The following RTKN2 variants were observed in gnomAD, a reference collection of about 807,000 sequenced individuals.
RTKN2 encodes rhotekin-2.
A neutral mutation model predicts 71.5 loss-of-function variants in RTKN2; 69 were observed. That is an observed-to-expected ratio of 0.96 (90% confidence interval 0.79 to 1.18). The LOEUF is 1.18. Among genes scored for constraint, RTKN2 ranks in the 50% most tolerant of loss-of-function variants. RTKN2 has a pLI of 0.00. For synonymous variants in RTKN2, 236 were observed against 236.5 expected, an observed-to-expected ratio of 1.00 and a Z score of 0.02; for missense variants, 724 against 719.7, an observed-to-expected ratio of 1.01 and a Z score of -0.07.
In RTKN2 at chr10:62,197,371, G is replaced by C. The variant is rs1346587083; in HGVS notation, c.*537C>G. 1 of 985,238 alleles carries C rather than the reference G, an allele frequency of 1.0e-6. No homozygotes were observed. The highest frequency in any genetic ancestry group is 1.2e-6 in the Non-Finnish European group (1 of 829,532). The allele number at this position is 985,238 out of a possible 1,614,324, so 61.0% of individuals were successfully genotyped here. ...TAAAATTTATCCCAGGAATTTAAAA[G>C]GTCAGGCCTATAAACTAGTGAGTTA... On this transcript the variant is annotated 3_prime_UTR_variant, in exon 12 of 12. Transcript: ENST00000373789.
downstream of RTKN2, among the ~76,000 whole-genome samples, chr10:62,188,752 T>G (rs1841173958): frequency 6.6e-6 from 1 of 151,450 alleles, no homozygotes; most frequent in Non-Finnish European, 1.5e-5. Flanking sequence ...TTTTTTAAAT[T>G]TTTTTATTTT....
intron 6 of RTKN2, among the ~76,000 whole-genome samples, chr10:62,230,679 G>A (rs931155001): frequency 2.6e-5 from 4 of 152,152 alleles, no homozygotes; most frequent in Admixed American, 6.6e-5. Context: ...ATTTTCAGAT[G>A]AAGAAACTGA....
At chr10:62,239,015 T>A (rs1842316056) in intron 5 of RTKN2, 1 of 152,008 alleles carries the variant, frequency 6.6e-6, no homozygotes, top group African/African-American at 2.4e-5. Flanking sequence ...ATGATTTCTA[T>A]GGCTACCCAA....
At chr10:62,230,944 C>A (rs1029141964) in intron 6 of RTKN2, among the ~76,000 whole-genome samples, 30 of 152,124 alleles carry the variant, frequency 2.0e-4, no homozygotes, top group Admixed American at 8.5e-4. Context: ...GCTGAATAAT[C>A]ATTTCTACAA....
intron 6 of RTKN2, among the ~76,000 whole-genome samples, chr10:62,232,923 A>C (rs896840027): frequency 4.9e-5 from 5 of 101,528 alleles, no homozygotes; most frequent in Non-Finnish European, 8.4e-5. Context: ...ACAAAAACTC[A>C]GAGTAAATTA....
chr10:62,199,707 T>C, intron 11 of RTKN2, 47 bp downstream of exon 11: 1 of 1,134,480 alleles, frequency 8.8e-7, no homozygotes, highest in Non-Finnish European at 1.3e-6. Flanking sequence ...GTATGGACAA[T>C]GTTGTTTTTG....
rs544803427 is a variant in RTKN2, at chr10:62,196,363, G to A, written c.*1545C>T. The A allele has an allele frequency of 1.6e-4, 161 of 984,100 alleles. No homozygotes were observed. The highest frequency in any genetic ancestry group is 1.8e-4 in the Non-Finnish European group (153 of 828,912). 61.0% of individuals were successfully genotyped at this position (984,100 alleles called of 1,614,324 possible). A position where few individuals can be genotyped will look rare whatever the true frequency, so the allele number is the denominator to read the frequency against. On this transcript the variant is annotated 3_prime_UTR_variant, in exon 12 of 12. Transcript: ENST00000373789. Reference sequence around the variant, plus strand: ...GTACTTTCTTCTCACCAAAAACTCTGTCTGTCCTGATGTTACCAGTCACAA... The same window carrying A: ...GTACTTTCTTCTCACCAAAAACTCTATCTGTCCTGATGTTACCAGTCACAA...
chr10:62,236,838 A>T (rs1436947534), intron 5 of RTKN2, among the ~76,000 whole-genome samples: 4 of 151,990 alleles, frequency 2.6e-5, no homozygotes, highest in African/African-American at 9.7e-5. Flanking sequence ...AACTTGGAGG[A>T]TATTAAGTTA....
intron 10 of RTKN2, among the ~76,000 whole-genome samples, chr10:62,203,928 C>T (rs1841498078): frequency 6.6e-6 from 1 of 152,100 alleles, no homozygotes; most frequent in South Asian, 2.1e-4. Context: ...AATTTAGATC[C>T]CTTTCTTGCC....
At position 62,196,326 on chromosome 10, in the gene RTKN2, A is replaced by G. The variant is rs1373075611; in HGVS notation, c.*1582T>C. The stretch of plus-strand genomic sequence containing the variant: ...ATGTGATGATCTCTACATGCTATCA[A>G]GCAGGCATATAGTACTTTCTTCTCA... On this transcript the variant is annotated 3_prime_UTR_variant, in exon 12 of 12. Coordinates refer to ENST00000373789, the MANE Select transcript of RTKN2 (RefSeq NM_145307.4). 1.0e-6 allele frequency: 1 copy of G among 983,900 alleles called. No individual in the cohort carries two copies. Among genetic ancestry groups the G allele is most frequent in the Non-Finnish European group, 1.2e-6 (1 of 828,656 alleles). The allele number at this position is 983,900 out of a possible 1,614,324, so 60.9% of individuals were successfully genotyped here. A position where few individuals can be genotyped will look rare whatever the true frequency, so the allele number is the denominator to read the frequency against.
chr10:62,227,265 C>A (rs1249196413), intron 6 of RTKN2, among the ~76,000 whole-genome samples: 3 of 151,960 alleles, frequency 2.0e-5, no homozygotes. Flanking sequence ...GTATCAAGCC[C>A]ATGAAGCTAA....
intron 1 of RTKN2, among the ~76,000 whole-genome samples, chr10:62,266,314 A>T (rs374192238): frequency 1.3e-5 from 2 of 152,310 alleles, no homozygotes; most frequent in Non-Finnish European, 2.9e-5. Flanking sequence ...AAAACTGACT[A>T]AAAAAACCTG....
chr10:62,204,806 C>T lies in RTKN2; in HGVS notation c.1186+51G>A, dbSNP rs776625600. On this transcript the variant is annotated intron_variant, in intron 10 of 11. Coordinates refer to ENST00000373789, the MANE Select transcript of RTKN2 (RefSeq NM_145307.4). ...ACAATTTTAAGATTGCTGTGCACAT[C>T]CTTTTAGGCTACATAAATACACAAC... is the stretch of plus-strand genomic sequence containing the variant. 7.4e-6 allele frequency: 10 copies of T among 1,355,794 alleles called. No homozygotes were observed. In the African/African-American group the frequency reaches 1.2e-4, roughly 16 times the overall value. The allele number at this position is 1,355,794 out of a possible 1,614,324, so 84.0% of individuals were successfully genotyped here. A position where few individuals can be genotyped will look rare whatever the true frequency, so the allele number is the denominator to read the frequency against.
At chr10:62,187,039 A>T (rs1841147886) in intron 8 of RTKN2, among the ~76,000 whole-genome samples, 1 of 152,218 alleles carries the variant, frequency 6.6e-6, no homozygotes, top group Admixed American at 6.5e-5. Context: ...ATTTTATTTT[A>T]GTAATTGATC....
rs202206981 is a variant in RTKN2, at chr10:62,199,829, T to C, written c.1219A>G (p.Lys407Glu). The part of the protein sequence containing the change: ...QWKHCCEELM[K>E]IEIMSPRKPP... ...TTCCGTGGTGACATAATCTCAATTT[T>C]CATAAGTTCTTCACAACAGTGCTTC... Residue 407 changes from lysine to glutamate, a missense_variant, in exon 11 of 12, where the codon AAA becomes GAA. Transcript: ENST00000373789. 6.2e-7 allele frequency: 1 copy of C among 1,613,562 alleles called. No individual in the cohort carries two copies. The highest frequency in any genetic ancestry group is 2.2e-5 in the East Asian group (1 of 44,818).
At chr10:62,222,169 T>A (rs1841923271) in intron 7 of RTKN2, among the ~76,000 whole-genome samples, 1 of 152,172 alleles carries the variant, frequency 6.6e-6, no homozygotes, top group Admixed American at 6.5e-5. Flanking sequence ...CGAACAATGG[T>A]ACAATCATAC....
At chr10:62,188,160 C>A (rs1296180763), downstream of RTKN2, among the ~76,000 whole-genome samples, 2 of 152,166 alleles carry the variant, frequency 1.3e-5, no homozygotes, top group Admixed American at 6.5e-5. Context: ...AATTTAGGAG[C>A]GGCTTAGCCA....
intron 2 of RTKN2, among the ~76,000 whole-genome samples, chr10:62,250,045 A>C (rs1842549627): frequency 6.6e-6 from 1 of 152,248 alleles, no homozygotes. Flanking sequence ...TAGAAAACAG[A>C]GACTTCTACA....
chr10:62,266,422 A>C (rs1250320197), intron 1 of RTKN2, among the ~76,000 whole-genome samples: 1 of 152,250 alleles, frequency 6.6e-6, no homozygotes, highest in Admixed American at 6.5e-5. Context: ...ACCAAGGTGA[A>C]GAAGAAAAGA....
Sources: allele counts gnomAD v4.1 joint callset (sites outside exome capture counted in the v4.1 genomes callset), GRCh38; gene constraint gnomAD v4.1.1; transcripts MANE v1.5; gene names NCBI Gene and HGNC (gene_info 2026-07-23, HGNC 2026-07-21).